Variants in TSPAN9 observed in about 807,000 individuals in gnomAD.
TSPAN9 encodes tetraspanin 9.
A neutral mutation model predicts 31.0 loss-of-function variants in TSPAN9; 16 were observed. That is an observed-to-expected ratio of 0.52 (90% CI 0.35 to 0.78). The LOEUF (loss-of-function observed/expected upper bound fraction) is 0.78, where lower values mean the gene tolerates loss of function less well. TSPAN9 is among the 30% of genes least tolerant of loss of function. The probability of loss-of-function intolerance (pLI) is 0.01; values close to 1 mark genes in which losing one functional copy is unlikely to be tolerated. For missense variants in TSPAN9, 272 were observed against 312.5 expected (o/e 0.87, Z 0.98); for synonymous variants, 145 against 121.6 (o/e 1.19, Z -1.27).
In TSPAN9 at chr12:3,278,557, C is replaced by T. The variant is rs372946603; in HGVS notation, c.200C>T (p.Thr67Met). ...GCCATAGGCACCATTGTCATGGTGA[C>T]GGGCTTCCTCGGCTGCCTGGGGGCC... The part of the protein sequence containing the change: ...VIAIGTIVMV[T>M]GFLGCLGAIK... Residue 67 changes from threonine (T) to methionine (M), a missense_variant, in exon 4 of 9, where the codon ACG becomes ATG. Thr to Met is a moderately conservative substitution (Grantham distance 81). Transcript: ENST00000011898. The T allele has an allele frequency of 3.0e-5, 48 of 1,614,142 alleles. No homozygotes were observed. Among genetic ancestry groups the T allele is most frequent in the Middle Eastern group, 1.6e-4 (1 of 6,062 alleles).
chr12:3,245,169 G>A (rs781228754), intron 3 of TSPAN9, among the ~76,000 whole-genome samples: 17 of 152,344 alleles, frequency 1.1e-4, no homozygotes, highest in East Asian at 3.9e-4. Context: ...TCTGGAACTC[G>A]GCACTGCTCT....
At chr12:3,163,670 A>G (rs984966766) in intron 2 of TSPAN9, among the ~76,000 whole-genome samples, 2 of 152,184 alleles carry the variant, frequency 1.3e-5, no homozygotes, top group Non-Finnish European at 2.9e-5. Flanking sequence ...TATTTACGAG[A>G]GACAGATGTC....
rs1260994223 is a variant in TSPAN9, at chr12:3,206,164, C to G, written c.63+4908C>G. On this transcript the variant is annotated intron_variant, in intron 3 of 8. Transcript: ENST00000011898. The stretch of plus-strand genomic sequence containing the variant: ...ATGTGCCTGGCTGCCCTTGGCTGAA[C>G]TTGGTGGCAGACTCTGTGGCCAGAG... 2.6e-5 allele frequency: 10 copies of G among 392,018 alleles called. No homozygotes were observed. The East Asian group carries it at 7.3e-4, about 29-fold the overall frequency. The allele number at this position is 392,018 out of a possible 1,614,324, so 24.3% of individuals were successfully genotyped here.
At chr12:3,226,652 ATGTGTGTGTGTGTG>A (rs59811095) in intron 3 of TSPAN9, among the ~76,000 whole-genome samples, 2,109 of 95,536 alleles carry the variant, frequency 0.022, 164 homozygotes, top group African/African-American at 0.083. Flanking sequence ...TTTTATATAT[ATGTGTGTGTGTGTG>A]TGTGTGTGTG....
intron 3 of TSPAN9, among the ~76,000 whole-genome samples, chr12:3,249,700 C>T (rs1862211689): frequency 6.6e-6 from 1 of 152,206 alleles, no homozygotes; most frequent in Non-Finnish European, 1.5e-5. Context: ...GTTTCATCTC[C>T]ACATCATCCC....
intron 3 of TSPAN9, among the ~76,000 whole-genome samples, chr12:3,245,650 G>C (rs1023815093): frequency 6.6e-6 from 1 of 152,188 alleles, no homozygotes; most frequent in Non-Finnish European, 1.5e-5. Context: ...CACCAAAACA[G>C]TCATAAGAGG....
At chr12:3,082,807 G>GGCATT (rs1007592286) in intron 1 of TSPAN9, among the ~76,000 whole-genome samples, 5 of 152,316 alleles carry the variant, frequency 3.3e-5, no homozygotes, top group Admixed American at 1.3e-4. Context: ...GTTTCCGGTA[G>GGCATT]GCATTGTTTC....
intron 2 of TSPAN9, among the ~76,000 whole-genome samples, chr12:3,164,034 C>G (rs902082389): frequency 1.3e-5 from 2 of 152,148 alleles, no homozygotes; most frequent in South Asian, 2.1e-4. Flanking sequence ...AGGAGGGGAC[C>G]CACTTAGAAG....
At position 3,185,465 on chromosome 12, in the gene TSPAN9, T is replaced by C. The variant is rs371665017; in HGVS notation, c.-17-15712T>C. ...GTGCCCAATGCAGCTCCTGACTCAC[T>C]TTCCCCATGGCTGGTGGATTTGAGG... On this transcript the variant is annotated intron_variant, in intron 2 of 8. Coordinates refer to ENST00000011898, the MANE Select transcript of TSPAN9 (RefSeq NM_006675.5). 3.9e-5 allele frequency among the ~76,000 whole-genome samples: 6 copies of C among 152,316 alleles called. No homozygotes were observed. In the South Asian group the frequency reaches 8.3e-4, roughly 21 times the overall value.
At chr12:3,225,904 G>A (rs1453589264) in intron 3 of TSPAN9, among the ~76,000 whole-genome samples, 4 of 152,084 alleles carry the variant, frequency 2.6e-5, no homozygotes, top group South Asian at 2.1e-4. Context: ...CCAGAGGGAC[G>A]GTCCATGTGC....
At chr12:3,202,128 C>T (rs1419455448) in intron 3 of TSPAN9, among the ~76,000 whole-genome samples, 1 of 152,210 alleles carries the variant, frequency 6.6e-6, no homozygotes, top group African/African-American at 2.4e-5. Flanking sequence ...CATATGTGCA[C>T]GTGCATAAGA....
At chr12:3,269,022 C>T (rs1310859718) in intron 3 of TSPAN9, among the ~76,000 whole-genome samples, 1 of 93,396 alleles carries the variant, frequency 1.1e-5, no homozygotes, top group Non-Finnish European at 2.2e-5. Flanking sequence ...CTCTGTGTTC[C>T]TGCAGCCTGC....
Position 3,187,897 on chromosome 12 carries a change from G to C in TSPAN9, c.-17-13280G>C, listed in dbSNP as rs1591666876. 6.6e-6 allele frequency among the ~76,000 whole-genome samples: 1 copy of C among 152,260 alleles called. No homozygotes were observed. Among genetic ancestry groups the C allele is most frequent in the Non-Finnish European group, 1.5e-5 (1 of 68,020 alleles). On this transcript the variant is annotated intron_variant, in intron 2 of 8. Transcript: ENST00000011898. This position sits in a 1 kb window ranked among gnomAD's most constrained non-coding sequence, Gnocchi z 5.2. The stretch of plus-strand genomic sequence containing the variant: ...CTTGCATGTACTCAGGGGTACTTCT[G>C]TCCCACCCTTTCATTTGATTGCTCT...
chr12:3,177,612 T>A (rs2098356512), intron 2 of TSPAN9, among the ~76,000 whole-genome samples: 1 of 152,128 alleles, frequency 6.6e-6, no homozygotes, highest in Non-Finnish European at 1.5e-5. Flanking sequence ...TTTGTATTTT[T>A]AGTAGAGATG....
rs370746000 is a variant in TSPAN9 at position 3,268,681 on chromosome 12, T to C, written c.64-9740T>C. On this transcript the variant is annotated intron_variant, in intron 3 of 8. Transcript: ENST00000011898. ...CCGTGCGTTCCTGCAGCCTGCCCTC[T>C]CTGTGTTCCTGCAGCCTGCCCTCCG... is the stretch of plus-strand genomic sequence containing the variant. 1.3e-3 allele frequency among the ~76,000 whole-genome samples: 111 copies of C among 85,664 alleles called. 1 individual carries two copies. The highest frequency in any genetic ancestry group is 3.5e-3 in the African/African-American group (70 of 20,154). 56.2% of individuals were successfully genotyped at this position (85,664 alleles called of 152,430 possible).
In TSPAN9 at chr12:3,266,792, C is replaced by T. The variant is rs549379972; in HGVS notation, c.64-11629C>T. The stretch of plus-strand genomic sequence containing the variant: ...TGCTGGCGTGGGTGGACGCGGCTCC[C>T]GGCTGGCAGTATAAATAATCAGGCT... On this transcript the variant is annotated intron_variant, in intron 3 of 8. Transcript: ENST00000011898. 3.3e-4 allele frequency among the ~76,000 whole-genome samples: 50 copies of T among 152,246 alleles called. No individual in the cohort carries two copies. The South Asian group carries it at 4.8e-3, about 15-fold the overall frequency.
At chr12:3,275,742 T>C (rs370724970) in intron 3 of TSPAN9, among the ~76,000 whole-genome samples, 70 of 152,322 alleles carry the variant, frequency 4.6e-4, no homozygotes, top group Non-Finnish European at 9.3e-4. Flanking sequence ...CGTGGTTCCA[T>C]GTGGGGCTGC....
intron 2 of TSPAN9, among the ~76,000 whole-genome samples, chr12:3,196,026 A>C (rs1311174839): frequency 6.6e-6 from 1 of 152,034 alleles, no homozygotes; most frequent in Non-Finnish European, 1.5e-5. Context: ...GCTAGATCTG[A>C]GCTCCTTGAG....
chr12:3,105,748 TCACACACA>T (rs367818280), intron 2 of TSPAN9, among the ~76,000 whole-genome samples: 6 of 105,790 alleles, frequency 5.7e-5, no homozygotes, highest in African/African-American at 1.1e-4. Context: ...ACACACACAC[TCACACACA>T]CGCACACACG....
Sources: allele counts gnomAD v4.1 joint callset (sites outside exome capture counted in the v4.1 genomes callset), GRCh38; gene constraint gnomAD v4.1.1; non-coding constraint Gnocchi (gnomAD v3.1); transcripts MANE v1.5; gene names NCBI Gene and HGNC (gene_info 2026-07-23, HGNC 2026-07-21).